NT5DC1: variants seen among roughly 807,000 people sequenced by gnomAD.
NT5DC1 encodes the protein 5'-nucleotidase domain-containing protein 1.
NT5DC1 carries 42 observed loss-of-function variants against 59.4 expected under a neutral mutation model. That is an observed-to-expected ratio of 0.71 (90% CI 0.55 to 0.92). NT5DC1 has a LOEUF of 0.92. Among genes scored for constraint, NT5DC1 ranks in the 40% least tolerant of loss-of-function variants. The pLI is 0.00. For missense variants in NT5DC1, 501 were observed against 537.1 expected (o/e 0.93, Z 0.66); for synonymous variants, 172 against 188.1 (o/e 0.91, Z 0.70).
chr6:116,190,652 A>C (rs1562157831), intron 6 of NT5DC1, among the ~76,000 whole-genome samples: 1 of 152,050 alleles, frequency 6.6e-6, no homozygotes, highest in Non-Finnish European at 1.5e-5. Flanking sequence ...GCTTTATTGG[A>C]TCGTCAATAA....
chr6:116,135,385 AT>A lies in NT5DC1; in HGVS notation c.529+17448del, dbSNP rs553085561. 5.6e-4 allele frequency among the ~76,000 whole-genome samples: 85 copies of A among 151,600 alleles called. 1 individual carries two copies. The East Asian group carries it at 0.014, about 25-fold the overall frequency. On this transcript the variant is annotated intron_variant, in intron 6 of 11. Transcript: ENST00000319550. ...AGTAAGTACTAGAAAATGATATTTC[AT>A]TTTTTTTCTGTAGCATCCATAACCG...
intron 6 of NT5DC1, among the ~76,000 whole-genome samples, chr6:116,210,184 A>G (rs747247794): frequency 2.6e-5 from 4 of 151,940 alleles, no homozygotes; most frequent in Non-Finnish European, 4.4e-5. Flanking sequence ...ATTTTCCTTT[A>G]TGGCTTTTGA....
chr6:116,176,508 A>T (rs924510259), intron 6 of NT5DC1, among the ~76,000 whole-genome samples: 6 of 152,190 alleles, frequency 3.9e-5, no homozygotes, highest in Admixed American at 3.9e-4. Flanking sequence ...TGCAGCTGAC[A>T]TTAGCAGAAG....
intron 6 of NT5DC1, among the ~76,000 whole-genome samples, chr6:116,164,408 C>G (rs1164661556): frequency 6.6e-6 from 1 of 152,070 alleles, no homozygotes; most frequent in Non-Finnish European, 1.5e-5. Context: ...ATAGCAACCC[C>G]TGGTCTTTTT....
chr6:116,164,341 C>G (rs1447495377), intron 6 of NT5DC1, among the ~76,000 whole-genome samples: 7 of 151,852 alleles, frequency 4.6e-5, no homozygotes, highest in Admixed American at 1.3e-4. Flanking sequence ...TGTATCATAC[C>G]CTTCTTTGTC....
intron 6 of NT5DC1, among the ~76,000 whole-genome samples, chr6:116,209,932 CAT>C (rs1221999939): frequency 6.6e-6 from 1 of 152,074 alleles, no homozygotes; most frequent in Admixed American, 6.6e-5. Flanking sequence ...AAATCTCAAA[CAT>C]ATAGATTTAG....
intron 2 of NT5DC1, among the ~76,000 whole-genome samples, chr6:116,107,424 C>G (rs1405582070): frequency 6.6e-6 from 1 of 151,002 alleles, no homozygotes; most frequent in African/African-American, 2.4e-5. Flanking sequence ...GCCATTATAC[C>G]ACTTTGCTTT....
At chr6:116,137,403 G>C (rs1209970285) in intron 6 of NT5DC1, 1 of 156,432 alleles carries the variant, frequency 6.4e-6, no homozygotes, top group Non-Finnish European at 1.4e-5. Context: ...AGGGAAATCA[G>C]ATATCAGTGC....
At chr6:116,234,654 A>G (rs1229963099) in intron 8 of NT5DC1, among the ~76,000 whole-genome samples, 1 of 152,202 alleles carries the variant, frequency 6.6e-6, no homozygotes, top group East Asian at 1.9e-4. Context: ...ATTTTTAAAT[A>G]TTATGTAAAA....
chr6:116,205,606 GA>G (rs1226937517), intron 6 of NT5DC1, among the ~76,000 whole-genome samples: 3 of 151,482 alleles, frequency 2.0e-5, no homozygotes, highest in African/African-American at 4.9e-5. Flanking sequence ...AATTGGGGGG[GA>G]AAAAAGGCTG....
intron 8 of NT5DC1, among the ~76,000 whole-genome samples, chr6:116,232,746 C>G (rs181753986): frequency 7.9e-5 from 12 of 152,204 alleles, no homozygotes; most frequent in African/African-American, 2.9e-4. Context: ...TACTTTGTAA[C>G]TATTATACTG....
chr6:116,211,654 G>C (rs1199137740), intron 6 of NT5DC1, among the ~76,000 whole-genome samples: 1 of 152,016 alleles, frequency 6.6e-6, no homozygotes, highest in African/African-American at 2.4e-5. Context: ...TAGAGTCCAC[G>C]AAGTATATTT....
intron 6 of NT5DC1, among the ~76,000 whole-genome samples, chr6:116,162,504 G>T (rs1780358305): frequency 6.6e-6 from 1 of 152,000 alleles, no homozygotes; most frequent in Non-Finnish European, 1.5e-5. Context: ...GGATTTTATT[G>T]CATGTTTTTT....
At chr6:116,233,190 G>C (rs1024221265) in intron 8 of NT5DC1, among the ~76,000 whole-genome samples, 1 of 152,166 alleles carries the variant, frequency 6.6e-6, no homozygotes, top group Non-Finnish European at 1.5e-5. Context: ...TAACTGTTAA[G>C]ATTGCTTTAA....
Position 116,178,785 on chromosome 6 carries a change from A to G in NT5DC1, c.530-42269A>G, listed in dbSNP as rs59905906. 5.9e-3 allele frequency among the ~76,000 whole-genome samples: 905 copies of G among 152,340 alleles called. 10 individuals carry two copies. Among genetic ancestry groups the G allele is most frequent in the African/African-American group, 0.021 (877 of 41,578 alleles). On this transcript the variant is annotated intron_variant, in intron 6 of 11. Transcript: ENST00000319550. ...GCATCTCAGAAGGGGAGGGGAACTC[A>G]TGGATTAATTGACAGGTGAGAACCA...
chr6:116,191,598 A>G (rs1781118128), intron 6 of NT5DC1, among the ~76,000 whole-genome samples: 1 of 152,088 alleles, frequency 6.6e-6, no homozygotes, highest in South Asian at 2.1e-4. Context: ...AAGGTACGTG[A>G]TACCACCAAT....
intron 8 of NT5DC1, among the ~76,000 whole-genome samples, chr6:116,231,402 G>C (rs1782018812): frequency 6.6e-6 from 1 of 152,130 alleles, no homozygotes; most frequent in African/African-American, 2.4e-5. Flanking sequence ...CATATATACA[G>C]AAAGGAATCC....
intron 7 of NT5DC1, among the ~76,000 whole-genome samples, chr6:116,221,834 G>A (rs1781813348): frequency 6.6e-6 from 1 of 152,100 alleles, no homozygotes; most frequent in Non-Finnish European, 1.5e-5. Context: ...TGGGTATGAG[G>A]GGATATTTAA....
At position 116,100,876 on chromosome 6, in the gene NT5DC1, C is replaced by G; in HGVS notation, c.-55C>G. 7.2e-7 allele frequency: 1 copy of G among 1,383,080 alleles called. No individual in the cohort carries two copies. The highest frequency in any genetic ancestry group is 9.9e-7 in the Non-Finnish European group (1 of 1,008,424). 85.7% of individuals were successfully genotyped at this position (1,383,080 alleles called of 1,614,324 possible). On this transcript the variant is annotated 5_prime_UTR_variant, in exon 1 of 12. Coordinates refer to ENST00000319550, the MANE Select transcript of NT5DC1 (RefSeq NM_152729.3). ...GTCCTGTCCCGCAGCGTCCCGCCAG[C>G]CAGCTCCTTGCACCCTTCGCGGCCG...
Sources: gnomAD v4.1 joint callset for allele counts (sites outside exome capture counted in the v4.1 genomes callset) on GRCh38, gnomAD v4.1.1 for gene constraint, MANE v1.5 for transcripts, NCBI Gene and HGNC (gene_info 2026-07-23, HGNC 2026-07-21) for gene names.